BCAS3: variants seen among roughly 807,000 people sequenced by gnomAD.
BCAS3 encodes the protein BCAS3 microtubule associated cell migration factor, also known as BCAS4/BCAS3 fusion.
Under a neutral mutation model 116.1 loss-of-function variants are expected in BCAS3, and 53 were observed. That is an observed-to-expected ratio of 0.46 (90% CI 0.37 to 0.57). The LOEUF is 0.57. BCAS3 is among the 20% of genes least tolerant of loss of function. The probability of loss-of-function intolerance (pLI) is 0.00; values close to 1 mark genes in which losing one functional copy is unlikely to be tolerated. For missense variants in BCAS3, 917 were observed against 1,165.4 expected (o/e 0.79, Z 3.10); for synonymous variants, 391 against 408.2 (o/e 0.96, Z 0.51).
rs1419196344 is a variant in BCAS3, at chr17:61,366,354, TATTC to T, written c.2426-1968_2426-1965del. Reference sequence around the variant, plus strand: ...ACTCCTGTGAGACAGGGCAAAGGGTTATTCATTCTAGTTTAGAGATGGAAAAGGA... The same window carrying T: ...ACTCCTGTGAGACAGGGCAAAGGGTTATTCTAGTTTAGAGATGGAAAAGGA... On this transcript the variant is annotated intron_variant, in intron 22 of 23. Coordinates refer to ENST00000407086, the MANE Select transcript of BCAS3 (RefSeq NM_017679.5). This position sits in a 1 kb window ranked among gnomAD's most constrained non-coding sequence, Gnocchi z 4.5. 6.6e-6 allele frequency among the ~76,000 whole-genome samples: 1 copy of T among 152,202 alleles called. No individual in the cohort carries two copies. The highest frequency in any genetic ancestry group is 1.9e-4 in the East Asian group (1 of 5,198).
chr17:60,889,517 AG>A (rs1279202378), intron 9 of BCAS3, among the ~76,000 whole-genome samples, 177 bp from the exon 10 acceptor site: 2 of 152,200 alleles, frequency 1.3e-5, no homozygotes, highest in Admixed American at 1.3e-4. Flanking sequence ...AACTAAATAG[AG>A]GGGGAAAAAT....
intron 22 of BCAS3, among the ~76,000 whole-genome samples, chr17:61,267,180 C>T (rs953602018): frequency 3.9e-5 from 6 of 151,962 alleles, no homozygotes; most frequent in Non-Finnish European, 8.8e-5. Context: ...GCCTCAGCCT[C>T]CCAAGTAGCT....
intron 14 of BCAS3, among the ~76,000 whole-genome samples, chr17:60,979,412 A>G (rs1318223553): frequency 7.4e-5 from 11 of 149,434 alleles, no homozygotes; most frequent in East Asian, 3.9e-4. Context: ...GGCTGAGACA[A>G]TGGGGTTTTC....
At chr17:60,811,292 A>C (rs2048791549) in intron 7 of BCAS3, 1 of 858,242 alleles carries the variant, frequency 1.2e-6, no homozygotes, top group Non-Finnish European at 1.9e-6. Context: ...CAAGCTGGAG[A>C]CTGAGATCAC....
chr17:60,918,644 G>A (rs1181496520), intron 12 of BCAS3, among the ~76,000 whole-genome samples: 1 of 149,746 alleles, frequency 6.7e-6, no homozygotes, highest in Non-Finnish European at 1.5e-5. Context: ...CTGTCAAACT[G>A]AAATCTCTTT....
At chr17:60,989,045 T>G (rs1447545237) in intron 14 of BCAS3, among the ~76,000 whole-genome samples, 1 of 152,082 alleles carries the variant, frequency 6.6e-6, no homozygotes, top group African/African-American at 2.4e-5. Flanking sequence ...TAGTACTGCT[T>G]TTACTGTATC....
chr17:60,763,443 A>G (rs2043753632), intron 6 of BCAS3, among the ~76,000 whole-genome samples: 1 of 152,126 alleles, frequency 6.6e-6, no homozygotes, highest in Admixed American at 6.5e-5. Context: ...TTCTGCATCT[A>G]TTGAGATAAT....
chr17:61,120,102 G>T (rs188505385), intron 22 of BCAS3, among the ~76,000 whole-genome samples: 47 of 152,150 alleles, frequency 3.1e-4, no homozygotes, highest in African/African-American at 1.1e-3. Context: ...CAGTCAAAAT[G>T]CCAGTGGATT....
intron 22 of BCAS3, among the ~76,000 whole-genome samples, chr17:61,115,000 T>C (rs2075335246): frequency 6.6e-6 from 1 of 151,768 alleles, no homozygotes; most frequent in South Asian, 2.1e-4. Context: ...AAGGATTCCC[T>C]ATTTAATAAA....
rs1318530739 is a variant in BCAS3 at position 61,352,191 on chromosome 17, C to G, written c.2426-16136C>G. 2.0e-5 allele frequency among the ~76,000 whole-genome samples: 3 copies of G among 146,570 alleles called. No homozygotes were observed. The highest frequency in any genetic ancestry group is 7.4e-5 in the African/African-American group (3 of 40,392). On this transcript the variant is annotated intron_variant, in intron 22 of 23. Coordinates refer to ENST00000407086, the MANE Select transcript of BCAS3 (RefSeq NM_017679.5). This position sits in a 1 kb window ranked among gnomAD's most constrained non-coding sequence, Gnocchi z 4.7. ...AGTTAGATGACAGGTCCATGTCCAGCTGACGTAGTAACAAGAGGTCTCTGG... is the reference window on the plus strand; with the variant it reads ...AGTTAGATGACAGGTCCATGTCCAGGTGACGTAGTAACAAGAGGTCTCTGG...
intron 14 of BCAS3, among the ~76,000 whole-genome samples, chr17:60,989,351 G>A (rs2063376137): frequency 6.6e-6 from 1 of 152,110 alleles, no homozygotes; most frequent in Non-Finnish European, 1.5e-5. Flanking sequence ...TGAGATAAAG[G>A]TAGTAAATTC....
Position 61,068,597 on chromosome 17 carries a change from G to A in BCAS3, c.2030-6323G>A, listed in dbSNP as rs915572731. Among the ~76,000 whole-genome samples, 4 of 152,294 alleles carry A rather than the reference G, an allele frequency of 2.6e-5. No individual in the cohort carries two copies. The highest frequency in any genetic ancestry group is 2.6e-4 in the Admixed American group (4 of 15,300). On this transcript the variant is annotated intron_variant, in intron 19 of 23. Transcript: ENST00000407086. The surrounding 1 kb of genome is among the most constrained non-coding windows in gnomAD (Gnocchi z 4.3). Reference sequence around the variant, plus strand: ...AGACCTGGCTGTACAGACACACTATGTGCACACCATTTCTACTCTTGTACC... The same window carrying A: ...AGACCTGGCTGTACAGACACACTATATGCACACCATTTCTACTCTTGTACC...
In BCAS3 at chr17:61,001,395, TACAG is replaced by T. The variant is rs556789714; in HGVS notation, c.1486+11163_1486+11166del. Among the ~76,000 whole-genome samples, 8 of 152,304 alleles carry T rather than the reference TACAG, an allele frequency of 5.3e-5. No individual in the cohort carries two copies. The South Asian group carries it at 1.7e-3, about 32-fold the overall frequency. On this transcript the variant is annotated intron_variant, in intron 15 of 23. Transcript: ENST00000407086. ...TTACGTTGATCAGTAGTTTTCTTGA[TACAG>T]ACCACATCACAATTGTAAATACAAA... is the stretch of plus-strand genomic sequence containing the variant.
At chr17:60,747,097 A>T in intron 5 of BCAS3, 101 bp from the exon 6 acceptor site, 1 of 761,972 alleles carries the variant, frequency 1.3e-6, no homozygotes, top group Non-Finnish European at 2.2e-6. Context: ...TATATATTTC[A>T]GACAAAATAT....
At chr17:61,310,963 G>C (rs186164406) in intron 22 of BCAS3, among the ~76,000 whole-genome samples, 2 of 152,248 alleles carry the variant, frequency 1.3e-5, no homozygotes, top group Non-Finnish European at 2.9e-5. Context: ...TCCCAGCCCT[G>C]TCTCTTAATA....
intron 19 of BCAS3, among the ~76,000 whole-genome samples, chr17:61,046,705 C>T (rs1057324605): frequency 1.3e-5 from 2 of 151,548 alleles, no homozygotes; most frequent in African/African-American, 2.4e-5. Context: ...CCCATAGATG[C>T]GGAACCAGGG....
At chr17:60,838,993 G>T (rs541752742) in intron 7 of BCAS3, among the ~76,000 whole-genome samples, 46 of 152,234 alleles carry the variant, frequency 3.0e-4, no homozygotes, top group Middle Eastern at 3.4e-3. Context: ...TCTTATGCAT[G>T]GTTTTTAGTG....
rs58589853 is a variant in BCAS3 at position 61,388,959 on chromosome 17, ATCATTCATTCAT to A, written c.2594-2985_2594-2974del. ...ATGGGCCCCCACCTCCCCTTACCAC[ATCATTCATTCAT>A]TCATTCATTCATTCATTCATTCATT... On this transcript the variant is annotated intron_variant, in intron 23 of 23. Transcript: ENST00000407086. This position sits in a 1 kb window ranked among gnomAD's most constrained non-coding sequence, Gnocchi z 6.5. 6,121 of 303,572 alleles carry A rather than the reference ATCATTCATTCAT, an allele frequency of 0.02. 260 individuals carry two copies. The highest frequency in any genetic ancestry group is 0.099 in the African/African-American group (4,596 of 46,234). 18.8% of individuals were successfully genotyped at this position (303,572 alleles called of 1,614,324 possible).
In BCAS3 at chr17:61,325,405, G is replaced by A. The variant is rs1330473320; in HGVS notation, c.2426-42922G>A. Among the ~76,000 whole-genome samples the A allele has an allele frequency of 6.6e-6, 1 of 152,144 alleles. No individual in the cohort carries two copies. Among genetic ancestry groups the A allele is most frequent in the African/African-American group, 2.4e-5 (1 of 41,424 alleles). On this transcript the variant is annotated intron_variant, in intron 22 of 23. Transcript: ENST00000407086. The surrounding 1 kb of genome is among the most constrained non-coding windows in gnomAD (Gnocchi z 6.4). ...TTATTAGGGCTCACAGGGCTTGCAG[G>A]GTGACCCTCTGCTCCAGGGATATGG...
Sources: allele counts gnomAD v4.1 joint callset (sites outside exome capture counted in the v4.1 genomes callset), GRCh38; gene constraint gnomAD v4.1.1; non-coding constraint Gnocchi (gnomAD v3.1); transcripts MANE v1.5; gene names NCBI Gene and HGNC (gene_info 2026-07-23, HGNC 2026-07-21).